DDX41: variants seen among roughly 807,000 people sequenced by gnomAD.
The protein encoded by DDX41 is probable ATP-dependent RNA helicase DDX41.
A neutral mutation model predicts 78.8 loss-of-function variants in DDX41; 50 were observed. The observed-to-expected ratio is 0.63, with a 90% CI of 0.51 to 0.80. DDX41 has a LOEUF of 0.80. Ranked by LOEUF, DDX41 falls within the 30% of genes least tolerant of loss-of-function variation. The pLI is 0.00. For missense variants in DDX41, 633 were observed against 849.2 expected (o/e 0.75, Z 3.16); for synonymous variants, 381 against 321.5 (o/e 1.19, Z -1.98).
Position 177,515,917 on chromosome 5 carries a change from G to A in DDX41, c.434+12C>T, listed in dbSNP as rs751949523. On this transcript the variant is annotated intron_variant, in intron 5 of 16. Coordinates refer to ENST00000330503, the MANE Select transcript of DDX41 (RefSeq NM_016222.4). The stretch of plus-strand genomic sequence containing the variant: ...TCCTAAGCAAGGGCAACTGCAGACT[G>A]TACAGACATACCTGGTTTTGATGGG... 7.4e-6 allele frequency: 12 copies of A among 1,614,104 alleles called. No homozygotes were observed. Among genetic ancestry groups the A allele is most frequent in the Admixed American group, 5.0e-5 (3 of 60,008 alleles).
In DDX41 at chr5:177,516,938, T is replaced by G; in HGVS notation, c.8A>C (p.Glu3Ala). The stretch of plus-strand genomic sequence containing the variant: ...TCCTACCTTCCGTTCGGGTTCCGAC[T>G]CCTCCATTCTTTGCTGCACGCATGC... ME[E>A]SEPERKRART... The change falls in exon 1 of 17, where the codon GAG becomes GCG. Residue 3 changes from glutamate (E) to alanine (A), a missense_variant. Glu to Ala is a moderately radical substitution (Grantham distance 107). Transcript: ENST00000330503. 2 of 1,612,792 alleles carry G rather than the reference T, an allele frequency of 1.2e-6. No homozygotes were observed. Among genetic ancestry groups the G allele is most frequent in the South Asian group, 1.1e-5 (1 of 91,056 alleles).
At chr5:177,516,541 G>A (rs1184973455) in intron 2 of DDX41, 94 bp from the exon 3 acceptor site, 2 of 1,519,998 alleles carry the variant, frequency 1.3e-6, no homozygotes, top group East Asian at 2.3e-5. Flanking sequence ...TCCTGTGCCC[G>A]AGGCGCAAAG....
chr5:177,513,715 AC>A lies in DDX41; in HGVS notation c.1067del (p.Gly356ValfsTer36). ...ADRMIDMGFE[G>X]DIRTIFSYFK... is the part of the protein sequence containing the mutation. ...AGTAGGAGAAGATGGTACGGATGTC[AC>A]CCTCGAAGCCCATGTCGATCATGCG... On this transcript the variant is annotated frameshift_variant, in exon 10 of 17. Coordinates refer to ENST00000330503, the MANE Select transcript of DDX41 (RefSeq NM_016222.4). LOFTEE classifies it high-confidence loss of function. The surrounding 1 kb of genome is among the most constrained non-coding windows in gnomAD (Gnocchi z 4.6). 1 of 1,613,542 alleles carries A rather than the reference AC, an allele frequency of 6.2e-7. No homozygotes were observed. Among genetic ancestry groups the A allele is most frequent in the East Asian group, 2.2e-5 (1 of 44,878 alleles).
At chr5:177,516,024 G>A in intron 4 of DDX41, 35 bp from the exon 5 acceptor site, 1 of 1,614,072 alleles carries the variant, frequency 6.2e-7, no homozygotes, top group Admixed American at 1.7e-5. Context: ...GCTGGCTCCT[G>A]CTTCTGAGAA....
At position 177,513,510 on chromosome 5, in the gene DDX41, A is replaced by G. The variant is rs1429611048; in HGVS notation, c.1099-26T>C. On this transcript the variant is annotated intron_variant, in intron 10 of 16. Coordinates refer to ENST00000330503, the MANE Select transcript of DDX41 (RefSeq NM_016222.4). This position sits in a 1 kb window ranked among gnomAD's most constrained non-coding sequence, Gnocchi z 4.6. ...CTGAGGAAGAGGGGGGCTGCGACCA[A>G]GGGCACACAGGGCTGGGCTGAGGGG... 1 of 1,614,002 alleles carries G rather than the reference A, an allele frequency of 6.2e-7. No homozygotes were observed. The highest frequency in any genetic ancestry group is 2.2e-5 in the East Asian group (1 of 44,880).
rs1208872152 is a variant in DDX41, at chr5:177,513,137, G to A, written c.1231-55C>T. On this transcript the variant is annotated intron_variant, in intron 11 of 16. Transcript: ENST00000330503. This position sits in a 1 kb window ranked among gnomAD's most constrained non-coding sequence, Gnocchi z 4.6. ...CTTGAGATTAGGCTTACCCGCCACA[G>A]CCCTGCCATGGCCCGTCATCTGGAC... 1.9e-6 allele frequency: 3 copies of A among 1,580,212 alleles called. No homozygotes were observed. The highest frequency in any genetic ancestry group is 2.6e-6 in the Non-Finnish European group (3 of 1,155,632).
chr5:177,512,019 G>T, intron 16 of DDX41, 77 bp downstream of exon 16: 1 of 1,606,624 alleles, frequency 6.2e-7, no homozygotes, highest in Non-Finnish European at 8.5e-7. Context: ...CGGTCCACCG[G>T]TTTCACGTTT....
In DDX41 at chr5:177,514,714, C is replaced by T; in HGVS notation, c.922G>A (p.Glu308Lys). The change falls in exon 9 of 17, where the codon GAG becomes AAG. Residue 308 changes from glutamate (E) to lysine (K), a missense_variant. Physicochemically the swap from Glu to Lys is moderately conservative, Grantham distance 56. Around this residue, in one of 6 missense-constraint regions of DDX41, gnomAD observed 151 missense variants for 169.2 expected, o/e 0.89. Coordinates refer to ENST00000330503, the MANE Select transcript of DDX41 (RefSeq NM_016222.4). The surrounding 1 kb of genome is among the most constrained non-coding windows in gnomAD (Gnocchi z 4.2). ...IGGMSVKEQM[E>K]TIRHGVHMMV... Reference sequence around the variant, plus strand: ...GCCAGCACTCACTGTCGGATGGTCTCCATCTGCTCTTTCACGGACATGCCC... The same window carrying T: ...GCCAGCACTCACTGTCGGATGGTCTTCATCTGCTCTTTCACGGACATGCCC... The T allele has an allele frequency of 1.9e-6, 3 of 1,611,980 alleles. No homozygotes were observed. The highest frequency in any genetic ancestry group is 2.5e-6 in the Non-Finnish European group (3 of 1,179,362).
chr5:177,512,303 G>A lies in DDX41; in HGVS notation c.1621+19C>T, dbSNP rs1760999651. The A allele has an allele frequency of 1.9e-6, 3 of 1,613,914 alleles. No homozygotes were observed. Among genetic ancestry groups the A allele is most frequent in the South Asian group, 2.2e-5 (2 of 91,092 alleles). ...GGGGACCCAGGGAACAGCTAAGGTG[G>A]CGCTGGTAACAGACTCACCACACGC... On this transcript the variant is annotated intron_variant, in intron 15 of 16. Transcript: ENST00000330503.
In DDX41 at chr5:177,514,063, C is replaced by T; in HGVS notation, c.936-216G>A. 4.4e-6 allele frequency: 3 copies of T among 686,524 alleles called. No homozygotes were observed. The South Asian group carries it at 4.5e-5, about 10-fold the overall frequency. The allele number at this position is 686,524 out of a possible 1,614,324, so 42.5% of individuals were successfully genotyped here. A position where few individuals can be genotyped will look rare whatever the true frequency, so the allele number is the denominator to read the frequency against. On this transcript the variant is annotated intron_variant, in intron 9 of 16. Transcript: ENST00000330503. The surrounding 1 kb of genome is among the most constrained non-coding windows in gnomAD (Gnocchi z 4.2). The stretch of plus-strand genomic sequence containing the variant: ...ACCACCGCTCGGCCTGGCGCGCCTT[C>T]CCCCTTCTCCTGGGTCAGCCTCTCA...
chr5:177,513,494 AG>A lies in DDX41; in HGVS notation c.1099-11del, dbSNP rs756575999. On this transcript the variant is annotated splice_polypyrimidine_tract_variant and intron_variant, in intron 10 of 16. Transcript: ENST00000330503. The surrounding 1 kb of genome is among the most constrained non-coding windows in gnomAD (Gnocchi z 4.6). ...GGGTCTGTCGCTGGCCCTGAGGAAG[AG>A]GGGGGCTGCGACCAAGGGCACACAG... 1.2e-6 allele frequency: 2 copies of A among 1,613,966 alleles called. No individual in the cohort carries two copies. Among genetic ancestry groups the A allele is most frequent in the Middle Eastern group, 1.6e-4 (1 of 6,062 alleles).
intron 12 of DDX41, 48 bp from the exon 13 acceptor site, chr5:177,512,924 C>T: frequency 1.2e-6 from 2 of 1,606,476 alleles, no homozygotes; most frequent in Non-Finnish European, 1.7e-6. Flanking sequence ...CCTGGGCACC[C>T]ACCGCACCTC....
chr5:177,516,432 G>A lies in DDX41; in HGVS notation c.154C>T (p.Gln52Ter). The stretch of plus-strand genomic sequence containing the variant: ...TCCGCAGCTCCCTTGCGTCTTCGCT[G>A]CAGCAGCTTCTGGAGCTGAGGTTCC... ...RRQLLLQKLL[Q>*]RRRKGAAEEE... Residue 52 changes from glutamine to a stop codon, truncating the protein, a stop_gained, in exon 3 of 17, where the codon CAG (glutamine) becomes TAG (stop). Transcript: ENST00000330503. LOFTEE classifies it high-confidence loss of function. The A allele has an allele frequency of 6.2e-7, 1 of 1,613,690 alleles. No homozygotes were observed. The highest frequency in any genetic ancestry group is 1.1e-5 in the South Asian group (1 of 91,086).
In DDX41 at chr5:177,513,110, A is replaced by T. The variant is rs1372181469; in HGVS notation, c.1231-28T>A. The T allele has an allele frequency of 6.2e-7, 1 of 1,601,418 alleles. No homozygotes were observed. The highest frequency in any genetic ancestry group is 8.5e-7 in the Non-Finnish European group (1 of 1,172,710). ...GCCACCACAAAGATCAGGTCAGGTGATCTTGAGATTAGGCTTACCCGCCAC... is the reference window on the plus strand; with the variant it reads ...GCCACCACAAAGATCAGGTCAGGTGTTCTTGAGATTAGGCTTACCCGCCAC... On this transcript the variant is annotated intron_variant, in intron 11 of 16. Transcript: ENST00000330503. This position sits in a 1 kb window ranked among gnomAD's most constrained non-coding sequence, Gnocchi z 4.6.
rs879244826 is a variant in DDX41 at position 177,513,329 on chromosome 5, C to T, written c.1230+24G>A. On this transcript the variant is annotated intron_variant, in intron 11 of 16. Coordinates refer to ENST00000330503, the MANE Select transcript of DDX41 (RefSeq NM_016222.4). This position sits in a 1 kb window ranked among gnomAD's most constrained non-coding sequence, Gnocchi z 4.6. Reference sequence around the variant, plus strand: ...GATCCAGCCCCCACAGGTGAGAGACCGCCCATCAGGAGCACCTGCCCACCT... The same window carrying T: ...GATCCAGCCCCCACAGGTGAGAGACTGCCCATCAGGAGCACCTGCCCACCT... 2.1e-5 allele frequency: 34 copies of T among 1,613,688 alleles called. No homozygotes were observed. Among genetic ancestry groups the T allele is most frequent in the Non-Finnish European group, 2.6e-5 (31 of 1,179,958 alleles).
At position 177,513,640 on chromosome 5, in the gene DDX41, C is replaced by T; in HGVS notation, c.1098+45G>A. On this transcript the variant is annotated intron_variant, in intron 10 of 16. Transcript: ENST00000330503. This position sits in a 1 kb window ranked among gnomAD's most constrained non-coding sequence, Gnocchi z 4.6. ...GGTCCCTGCAGTCTGATGTGGCGTG[C>T]AGTGGGGGGCGGTGCAGGGTGCCCT... The T allele has an allele frequency of 6.2e-7, 1 of 1,609,728 alleles. No homozygotes were observed. Among genetic ancestry groups the T allele is most frequent in the Non-Finnish European group, 8.5e-7 (1 of 1,177,600 alleles).
chr5:177,513,847 G>A lies in DDX41; in HGVS notation c.936C>T (p.His312=), dbSNP rs377107791. The A allele has an allele frequency of 1.3e-5, 21 of 1,613,260 alleles. No homozygotes were observed. The highest frequency in any genetic ancestry group is 4.0e-5 in the African/African-American group (3 of 74,914). Residue 312 remains histidine (H), a splice_region_variant and synonymous_variant, in exon 10 of 17, where the codon CAC becomes CAT. Coordinates refer to ENST00000330503, the MANE Select transcript of DDX41 (RefSeq NM_016222.4). This position sits in a 1 kb window ranked among gnomAD's most constrained non-coding sequence, Gnocchi z 4.6. Reference sequence around the variant, plus strand: ...GGGTGGCCACCATCATGTGTACACCGCTGGGGACCAAGGAGAGACCCTGAG... The same window carrying A: ...GGGTGGCCACCATCATGTGTACACCACTGGGGACCAAGGAGAGACCCTGAG... ...SVKEQMETIR[H]GVHMMVATPG... is the part of the protein sequence containing the mutation.
chr5:177,512,840 C>A lies in DDX41; in HGVS notation c.1339G>T (p.Ala447Ser). 1 of 1,614,040 alleles carries A rather than the reference C, an allele frequency of 6.2e-7. No individual in the cohort carries two copies. Among genetic ancestry groups the A allele is most frequent in the Non-Finnish European group, 8.5e-7 (1 of 1,180,018 alleles). The change falls in exon 13 of 17, where the codon GCC (alanine) becomes TCC (serine). Residue 447 changes from alanine (A) to serine (S), a missense_variant. Ala to Ser is a moderately conservative substitution (Grantham distance 99). Coordinates refer to ENST00000330503, the MANE Select transcript of DDX41 (RefSeq NM_016222.4). ...IFAEKKADVD[A>S]IHEYLLLKGV... ...TTGAGCAGCAGGTACTCGTGGATGGCGTCCACGTCTGCCTTCTTCTCTGCA... is the reference window on the plus strand; with the variant it reads ...TTGAGCAGCAGGTACTCGTGGATGGAGTCCACGTCTGCCTTCTTCTCTGCA...
intron 6 of DDX41, 129 bp from the exon 7 acceptor site, chr5:177,515,387 AGT>A (rs1184341072): frequency 1.0e-5 from 10 of 966,880 alleles, no homozygotes; most frequent in Admixed American, 4.1e-5. Context: ...AGAGAGAGAG[AGT>A]GGAAAAAAAA....
Sources: gnomAD v4.1 joint callset for allele counts on GRCh38, gnomAD v4.1.1 for gene constraint, gnomAD v4.1.1 regional missense constraint, Gnocchi (gnomAD v3.1) non-coding constraint, MANE v1.5 for transcripts, NCBI Gene and HGNC (gene_info 2026-07-23, HGNC 2026-07-21) for gene names.